The following TRIM16 variants were observed in gnomAD, a reference collection of about 807,000 sequenced individuals.
TRIM16 encodes the protein tripartite motif-containing protein 16.
In TRIM16, 33 loss-of-function variants were observed where a neutral mutation model predicts 50.4. The ratio of observed to expected loss-of-function variants is 0.65; its 90% CI spans 0.50 to 0.88. The LOEUF (loss-of-function observed/expected upper bound fraction) is 0.88. Ranked by LOEUF, TRIM16 falls within the 40% of genes least tolerant of loss-of-function variation. The probability of loss-of-function intolerance (pLI) is 0.00; values close to 1 mark genes in which losing one functional copy is unlikely to be tolerated. For missense variants in TRIM16, 581 were observed against 686.8 expected (o/e 0.85, Z 1.72); for synonymous variants, 229 against 270.7 (o/e 0.85, Z 1.51).
At chr17:15,666,301 C>T (rs1394345870) in intron 6 of TRIM16, among the ~76,000 whole-genome samples, 1 of 152,108 alleles carries the variant, frequency 6.6e-6, no homozygotes, top group African/African-American at 2.4e-5. Context: ...AAGTTAGACT[C>T]GAACTCCTGC....
In TRIM16 at chr17:15,651,647, C is replaced by T. The variant is rs1161524876; in HGVS notation, c.-38G>A. ...GCTCCTAGGCTGTCTTTCTTCTGTC[C>T]CTTGGCCCAGGATCTGTGCAGCCCA... On this transcript the variant is annotated 5_prime_UTR_variant, in exon 7 of 12. Transcript: ENST00000649191. The T allele has an allele frequency of 6.3e-7, 1 of 1,595,720 alleles. No homozygotes were observed. Among genetic ancestry groups the T allele is most frequent in the African/African-American group, 1.3e-5 (1 of 74,434 alleles).
At chr17:15,668,701 C>T (rs902768679) in intron 6 of TRIM16, among the ~76,000 whole-genome samples, 1 of 152,164 alleles carries the variant, frequency 6.6e-6, no homozygotes, top group African/African-American at 2.4e-5. Context: ...TCTTCACCAA[C>T]CAGCTACAAG....
At chr17:15,637,120 G>C (rs1192614178) in intron 8 of TRIM16, among the ~76,000 whole-genome samples, 6,109 of 138,888 alleles carry the variant, frequency 0.044, 537 homozygotes, top group African/African-American at 0.16. Context: ...GGAGGTGGGG[G>C]GGGGGGGTCA....
rs958964848 is a variant in TRIM16, at chr17:15,651,855, C to T, written c.-246G>A. ...GGACAGCCGGCTCAGGCTCAGGCTGCCTCCCCAGGTCCAGCCCTGAAACTT... is the reference window on the plus strand; with the variant it reads ...GGACAGCCGGCTCAGGCTCAGGCTGTCTCCCCAGGTCCAGCCCTGAAACTT... On this transcript the variant is annotated 5_prime_UTR_variant, in exon 7 of 12. Transcript: ENST00000649191. 78 of 1,419,402 alleles carry T rather than the reference C, an allele frequency of 5.5e-5. No homozygotes were observed. In the South Asian group the frequency reaches 7.0e-4, roughly 13 times the overall value. 87.9% of individuals were successfully genotyped at this position (1,419,402 alleles called of 1,614,324 possible).
chr17:15,650,958 C>T (rs553978512), intron 7 of TRIM16, 133 bp downstream of exon 7: 21 of 1,294,934 alleles, frequency 1.6e-5, no homozygotes, highest in Admixed American at 2.6e-5. Context: ...AGCAGGCAGA[C>T]GCTGAAGCTA....
At chr17:15,654,781 T>TA (rs1449252608) in intron 6 of TRIM16, among the ~76,000 whole-genome samples, 1 of 152,168 alleles carries the variant, frequency 6.6e-6, no homozygotes, top group East Asian at 1.9e-4. Context: ...CCCTGCCCCA[T>TA]AAAATGCTTA....
At chr17:15,676,681 C>A (rs981314365) in intron 6 of TRIM16, among the ~76,000 whole-genome samples, 1 of 151,996 alleles carries the variant, frequency 6.6e-6, no homozygotes, top group Non-Finnish European at 1.5e-5. Context: ...GTGATCCGCC[C>A]GCCTCGGCCT....
intron 6 of TRIM16, among the ~76,000 whole-genome samples, chr17:15,655,421 T>G (rs1431999701): frequency 6.6e-6 from 1 of 152,190 alleles, no homozygotes; most frequent in Non-Finnish European, 1.5e-5. Context: ...TACCTGCTTC[T>G]CTATGGCTAA....
At chr17:15,635,718 T>G (rs1036226623) in intron 9 of TRIM16, among the ~76,000 whole-genome samples, 18 of 123,188 alleles carry the variant, frequency 1.5e-4, no homozygotes, top group African/African-American at 6.0e-4. Flanking sequence ...TTAAAGTACC[T>G]TGGCTCCCCA....
At chr17:15,663,810 T>G (rs531579514) in intron 6 of TRIM16, among the ~76,000 whole-genome samples, 1 of 152,314 alleles carries the variant, frequency 6.6e-6, no homozygotes, top group South Asian at 2.1e-4. Context: ...GCTGATCCTG[T>G]TCACTCCGCT....
chr17:15,657,631 T>A (rs531880392), intron 6 of TRIM16, among the ~76,000 whole-genome samples: 2 of 152,240 alleles, frequency 1.3e-5, no homozygotes, highest in Non-Finnish European at 2.9e-5. Context: ...AGTGAAATCA[T>A]ACAGTGTTTG....
chr17:15,678,141 C>T (rs1989025557), intron 4 of TRIM16, among the ~76,000 whole-genome samples: 1 of 151,876 alleles, frequency 6.6e-6, no homozygotes, highest in African/African-American at 2.4e-5. Flanking sequence ...ATGGCGTGAA[C>T]CCGGGAGGCG....
At chr17:15,666,342 A>G (rs1487783100) in intron 6 of TRIM16, among the ~76,000 whole-genome samples, 4 of 152,196 alleles carry the variant, frequency 2.6e-5, no homozygotes, top group Non-Finnish European at 5.9e-5. Context: ...TTGGCCTCCC[A>G]AAGTGTTGGG....
At chr17:15,683,368 GAC>G (rs1989259144) in intron 1 of TRIM16, 1 of 454,812 alleles carries the variant, frequency 2.2e-6, no homozygotes, top group Non-Finnish European at 4.0e-6. Flanking sequence ...TGCAGAGTCA[GAC>G]ACTGGGAACA....
intron 6 of TRIM16, among the ~76,000 whole-genome samples, chr17:15,671,218 AG>A: frequency 6.6e-6 from 1 of 152,152 alleles, no homozygotes; most frequent in East Asian, 1.9e-4. Context: ...TCAGCATGTA[AG>A]ATGAAAACAG....
intron 6 of TRIM16, among the ~76,000 whole-genome samples, chr17:15,659,707 C>T (rs962720871): frequency 1.3e-5 from 2 of 152,228 alleles, no homozygotes; most frequent in African/African-American, 4.8e-5. Flanking sequence ...TTCTCTTGCC[C>T]TGGGACAGGA....
In TRIM16 at chr17:15,671,315, G is replaced by GTACA. The variant is rs4054368; in HGVS notation, c.-338+5860_-338+5861insTGTA. On this transcript the variant is annotated intron_variant, in intron 6 of 11. Coordinates refer to ENST00000649191, the MANE Select transcript of TRIM16 (RefSeq NM_001348119.1). ...GTGTATAGCTCTGATAATAACTCAT[G>GTACA]AATAGATAAATATAGAATTTTATAT... Among the ~76,000 whole-genome samples the GTACA allele has an allele frequency of 2.4e-4, 23 of 95,920 alleles. 1 individual carries two copies. Among genetic ancestry groups the GTACA allele is most frequent in the Middle Eastern group, 4.3e-3 (1 of 232 alleles). 62.9% of individuals were successfully genotyped at this position (95,920 alleles called of 152,430 possible).
At chr17:15,648,095 G>A (rs1259152484) in intron 7 of TRIM16, among the ~76,000 whole-genome samples, 2 of 151,806 alleles carry the variant, frequency 1.3e-5, no homozygotes, top group African/African-American at 2.4e-5. Flanking sequence ...GCGTGGTGGC[G>A]AGCACCTGTA....
At chr17:15,634,631 C>CAA (rs529477449) in intron 9 of TRIM16, among the ~76,000 whole-genome samples, 25,199 of 81,350 alleles carry the variant, frequency 0.31, 3,407 homozygotes, top group East Asian at 0.36. Flanking sequence ...AACTCAGTCT[C>CAA]AAAAAAAAAA....
Sources: gnomAD v4.1 joint callset for allele counts (sites outside exome capture counted in the v4.1 genomes callset) on GRCh38, gnomAD v4.1.1 for gene constraint, MANE v1.5 for transcripts, NCBI Gene and HGNC (gene_info 2026-07-23, HGNC 2026-07-21) for gene names.